Variants in DESI2 observed in about 807,000 individuals in gnomAD.
DESI2 encodes the protein deubiquitinase DESI2.
A neutral mutation model predicts 24.1 loss-of-function variants in DESI2; 10 were observed. The ratio of observed to expected loss-of-function variants is 0.41; its 90% confidence interval spans 0.26 to 0.70. The LOEUF (loss-of-function observed/expected upper bound fraction) is 0.70. DESI2 is among the 30% of genes least tolerant of loss of function. The probability of loss-of-function intolerance (pLI) is 0.29; values close to 1 mark genes in which losing one functional copy is unlikely to be tolerated. For synonymous variants in DESI2, 71 were observed against 87.7 expected, an observed-to-expected ratio of 0.81 and a Z score of 1.06; for missense variants, 122 against 234.9, an observed-to-expected ratio of 0.52 and a Z score of 3.14.
intron 1 of DESI2, among the ~76,000 whole-genome samples, chr1:244,680,020 CTTTT>C (rs147614472): frequency 5.3e-3 from 432 of 81,838 alleles, no homozygotes; most frequent in African/African-American, 0.014. Flanking sequence ...TCTTTTTAGC[CTTTT>C]TTTTTTTTTT....
At chr1:244,667,399 C>T (rs1450713262) in intron 1 of DESI2, among the ~76,000 whole-genome samples, 3 of 152,174 alleles carry the variant, frequency 2.0e-5, no homozygotes, top group Non-Finnish European at 4.4e-5. Flanking sequence ...TCAAATTTTA[C>T]AGCTGCAAAA....
In DESI2 at chr1:244,686,586, T is replaced by A; in HGVS notation, c.43-11T>A. 2 of 1,580,156 alleles carry A rather than the reference T, an allele frequency of 1.3e-6. No individual in the cohort carries two copies. Among genetic ancestry groups the A allele is most frequent in the African/African-American group, 1.3e-5 (1 of 74,348 alleles). On this transcript the variant is annotated splice_polypyrimidine_tract_variant and intron_variant, in intron 1 of 4. Transcript: ENST00000302550. ...CAGGTATTCTGAATCTTTTCTTTCT[T>A]TTTTTCTCAGTATTGGATGAACGAA...
intron 4 of DESI2, among the ~76,000 whole-genome samples, chr1:244,698,387 G>A (rs1677303402): frequency 6.6e-6 from 1 of 152,194 alleles, no homozygotes; most frequent in African/African-American, 2.4e-5. Context: ...AATTGCAAGT[G>A]AGCTCATATA....
chr1:244,679,084 G>T lies in DESI2; in HGVS notation c.43-7513G>T, dbSNP rs554600052. On this transcript the variant is annotated intron_variant, in intron 1 of 4. Coordinates refer to ENST00000302550, the MANE Select transcript of DESI2 (RefSeq NM_016076.5). ...GACAGGGTCTCACTCAGTCGCTCAGGCTGGAGTGCAGTGTCACAATCACAG... is the reference window on the plus strand; with the variant it reads ...GACAGGGTCTCACTCAGTCGCTCAGTCTGGAGTGCAGTGTCACAATCACAG... Among the ~76,000 whole-genome samples, 10 of 152,058 alleles carry T rather than the reference G, an allele frequency of 6.6e-5. No individual in the cohort carries two copies. In the Middle Eastern group the frequency reaches 0.01, roughly 155 times the overall value.
intron 3 of DESI2, among the ~76,000 whole-genome samples, chr1:244,690,842 G>A (rs1677000759): frequency 6.6e-6 from 1 of 152,056 alleles, no homozygotes; most frequent in African/African-American, 2.4e-5. Flanking sequence ...TCAGTAGAGA[G>A]CTACACATTA....
intron 4 of DESI2, among the ~76,000 whole-genome samples, chr1:244,704,812 C>G (rs893873506): frequency 6.6e-6 from 1 of 152,180 alleles, no homozygotes; most frequent in Non-Finnish European, 1.5e-5. Context: ...GTGTGCACCA[C>G]CATGCCCGGC....
At chr1:244,679,421 G>C (rs151259448) in intron 1 of DESI2, among the ~76,000 whole-genome samples, 1 of 152,158 alleles carries the variant, frequency 6.6e-6, no homozygotes, top group African/African-American at 2.4e-5. Flanking sequence ...AGTACAATCT[G>C]TATATACCCT....
chr1:244,699,578 CAAAAAAAAAAAAAAAAAAAAAAAAA>C (rs559295405), intron 4 of DESI2, among the ~76,000 whole-genome samples: 1 of 66,222 alleles, frequency 1.5e-5, no homozygotes, highest in African/African-American at 5.2e-5. Flanking sequence ...GAGACTGTCT[CAAAAAAAAAAAAAAAAAAAAAAAAA>C]AAAAAAAAAA....
At chr1:244,686,569 C>T in intron 1 of DESI2, 28 bp from the exon 2 acceptor site, 3 of 1,479,044 alleles carry the variant, frequency 2.0e-6, no homozygotes, top group Non-Finnish European at 2.8e-6. Context: ...AACAGGTATT[C>T]TGAATCTTTT....
intron 4 of DESI2, among the ~76,000 whole-genome samples, chr1:244,693,177 T>C (rs995435526): frequency 6.6e-6 from 1 of 152,208 alleles, no homozygotes; most frequent in Non-Finnish European, 1.5e-5. Flanking sequence ...AAGATTGTCA[T>C]AGAGAATTCA....
Position 244,708,952 on chromosome 1 carries a change from T to A in DESI2, c.*3163T>A, listed in dbSNP as rs1466477035. ...TATCAAAATACCAGGAATCTTCACTTTTGCTACCTTGATATAGCATTGGGC... is the reference window on the plus strand; with the variant it reads ...TATCAAAATACCAGGAATCTTCACTATTGCTACCTTGATATAGCATTGGGC... On this transcript the variant is annotated 3_prime_UTR_variant, in exon 5 of 5. Coordinates refer to ENST00000302550, the MANE Select transcript of DESI2 (RefSeq NM_016076.5). 1.3e-5 allele frequency: 2 copies of A among 152,594 alleles called. No individual in the cohort carries two copies. Among genetic ancestry groups the A allele is most frequent in the Non-Finnish European group, 2.9e-5 (2 of 68,042 alleles). 9.5% of individuals were successfully genotyped at this position (152,594 alleles called of 1,614,324 possible).
intron 4 of DESI2, 119 bp from the exon 5 acceptor site, chr1:244,705,437 G>T: frequency 1.4e-6 from 1 of 736,364 alleles, no homozygotes; most frequent in South Asian, 1.7e-5. Context: ...CACCACTGAA[G>T]GCTAGTCTGC....
At chr1:244,690,708 CAAAA>C (rs34260121) in intron 3 of DESI2, among the ~76,000 whole-genome samples, 2 of 70,370 alleles carry the variant, frequency 2.8e-5, no homozygotes. Context: ...TCCGTCTCAC[CAAAA>C]AAAAAAAAAA....
chr1:244,674,536 G>T (rs1350886244), intron 1 of DESI2, among the ~76,000 whole-genome samples: 1 of 152,066 alleles, frequency 6.6e-6, no homozygotes, highest in Non-Finnish European at 1.5e-5. Context: ...CAAACTTCCA[G>T]TCATAGAACC....
intron 1 of DESI2, among the ~76,000 whole-genome samples, chr1:244,671,947 G>C (rs1378953503): frequency 2.0e-5 from 3 of 152,128 alleles, no homozygotes; most frequent in African/African-American, 7.2e-5. Flanking sequence ...CATAAGTTTT[G>C]ACAGTAGTAA....
intron 4 of DESI2, among the ~76,000 whole-genome samples, chr1:244,701,755 C>CTAAT (rs1418175661): frequency 9.9e-5 from 15 of 152,264 alleles, no homozygotes; most frequent in Middle Eastern, 6.8e-3. Flanking sequence ...GCTTTTTTCA[C>CTAAT]TAATAGTATA....
At position 244,673,725 on chromosome 1, in the gene DESI2, T is replaced by C. The variant is rs142496252; in HGVS notation, c.43-12872T>C. On this transcript the variant is annotated intron_variant, in intron 1 of 4. Coordinates refer to ENST00000302550, the MANE Select transcript of DESI2 (RefSeq NM_016076.5). ...TATATATTTCACTGATAGTAAACTT[T>C]ATTGGACCATGTCTAATAATAAAAA... Among the ~76,000 whole-genome samples, 265 of 152,344 alleles carry C rather than the reference T, an allele frequency of 1.7e-3. 2 individuals are homozygous for C. The highest frequency in any genetic ancestry group is 6.2e-3 in the African/African-American group (258 of 41,584).
At chr1:244,702,511 C>G (rs1341457673) in intron 4 of DESI2, among the ~76,000 whole-genome samples, 5 of 152,086 alleles carry the variant, frequency 3.3e-5, no homozygotes, top group Non-Finnish European at 4.4e-5. Flanking sequence ...AAGACTCCAT[C>G]TCAAAAAATA....
At chr1:244,694,380 T>A (rs1041935880) in intron 4 of DESI2, 34 of 499,842 alleles carry the variant, frequency 6.8e-5, no homozygotes, top group Admixed American at 1.4e-4. Flanking sequence ...ATTCATAAAA[T>A]TTTTTTTTTT....
Sources: allele counts gnomAD v4.1 joint callset (sites outside exome capture counted in the v4.1 genomes callset), GRCh38; gene constraint gnomAD v4.1.1; transcripts MANE v1.5; gene names NCBI Gene and HGNC (gene_info 2026-07-23, HGNC 2026-07-21).